The following DACH2 variants were observed in gnomAD, a reference collection of about 807,000 sequenced individuals.
The protein encoded by DACH2 is dachshund homolog 2.
DACH2 carries 17 observed loss-of-function variants against 35.8 expected under a neutral mutation model. The observed-to-expected ratio is 0.48, with a 90% CI of 0.33 to 0.71. The LOEUF (loss-of-function observed/expected upper bound fraction) is 0.71, where lower values mean the gene tolerates loss of function less well. DACH2 is among the 30% of genes least tolerant of loss of function. The pLI, the probability that DACH2 is intolerant of heterozygous loss-of-function variation, is 0.02. For synonymous variants in DACH2, 195 were observed against 177.3 expected (o/e 1.10, Z -0.79); for missense variants, 469 against 472.7 (o/e 0.99, Z 0.07).
chrX:86,415,805 T>C (rs1037619653), intron 2 of DACH2, among the ~76,000 whole-genome samples: 1 of 112,238 alleles, frequency 8.9e-6, no homozygotes, highest in African/African-American at 3.2e-5. Flanking sequence ...CAATATTTTC[T>C]TTGACCAGAA....
At chrX:86,788,282 C>T (rs1458707789) in intron 7 of DACH2, among the ~76,000 whole-genome samples, 1 of 110,789 alleles carries the variant, frequency 9.0e-6, no homozygotes, top group Admixed American at 9.7e-5. Flanking sequence ...TGCTGATCAC[C>T]GGCTTCAGGT....
intron 3 of DACH2, among the ~76,000 whole-genome samples, chrX:86,549,569 AT>A (rs1250771293): frequency 1.8e-5 from 2 of 108,525 alleles, no homozygotes; most frequent in African/African-American, 6.7e-5. Context: ...TACTATTTAT[AT>A]TTTTTTAAAT....
In DACH2 at chrX:86,545,574, C is replaced by A. The variant is rs779982214; in HGVS notation, c.640+31183C>A. ...TTAAAAAATTAAAATTAATTAAAAT[C>A]ATTTAATGTAATGTCTCCAGTCTTA... On this transcript the variant is annotated intron_variant, in intron 3 of 11. Transcript: ENST00000373125. Among the ~76,000 whole-genome samples the A allele has an allele frequency of 1.2e-3, 130 of 111,837 alleles. 4 individuals carry two copies. Among genetic ancestry groups the A allele is most frequent in the Non-Finnish European group, 3.2e-4 (17 of 53,165 alleles).
intron 2 of DACH2, among the ~76,000 whole-genome samples, chrX:86,474,739 T>C (rs2037814815): frequency 8.9e-6 from 1 of 111,854 alleles, no homozygotes; most frequent in Non-Finnish European, 1.9e-5. Flanking sequence ...TGTTTTGTTT[T>C]GTTTTTGTTT....
At chrX:86,680,460 A>G (rs1180467605) in intron 4 of DACH2, among the ~76,000 whole-genome samples, 1 of 111,515 alleles carries the variant, frequency 9.0e-6, no homozygotes, top group African/African-American at 3.3e-5. Flanking sequence ...ATTACCAGAC[A>G]CTATTTTTTA....
chrX:86,633,209 G>T (rs1459174346), intron 3 of DACH2, among the ~76,000 whole-genome samples: 1 of 111,223 alleles, frequency 9.0e-6, no homozygotes, highest in East Asian at 2.8e-4. Flanking sequence ...TAAAGCTCTA[G>T]TTGGACAAAC....
chrX:86,688,457 T>A (rs1297620912), intron 4 of DACH2, among the ~76,000 whole-genome samples: 7 of 111,641 alleles, frequency 6.3e-5, no homozygotes, highest in African/African-American at 2.0e-4. Context: ...GTAAAGTCAA[T>A]TCCAGATAAT....
At chrX:86,232,823 C>T (rs1171302974) in intron 1 of DACH2, among the ~76,000 whole-genome samples, 2 of 112,007 alleles carry the variant, frequency 1.8e-5, no homozygotes, top group South Asian at 3.7e-4. Context: ...TCATTCAACC[C>T]AGCAATCTCA....
intron 1 of DACH2, among the ~76,000 whole-genome samples, chrX:86,262,151 C>A (rs2033638648): frequency 9.2e-6 from 1 of 109,282 alleles, no homozygotes. Context: ...TAGCTGGGCC[C>A]GGTGGCATGC....
chrX:86,412,776 C>T (rs1332832718), intron 2 of DACH2, among the ~76,000 whole-genome samples: 4 of 111,526 alleles, frequency 3.6e-5, no homozygotes, highest in Non-Finnish European at 7.5e-5. Context: ...CTGCCATTGA[C>T]ACCTCAAGCA....
intron 7 of DACH2, among the ~76,000 whole-genome samples, chrX:86,760,249 C>A (rs185401197): frequency 2.7e-5 from 3 of 111,214 alleles, no homozygotes; most frequent in African/African-American, 6.5e-5. Context: ...TCTCTTGCTA[C>A]ACTTGGGAAG....
chrX:86,480,744 T>A (rs910802014), intron 2 of DACH2, among the ~76,000 whole-genome samples: 5 of 112,264 alleles, frequency 4.5e-5, no homozygotes, highest in African/African-American at 1.6e-4. Context: ...AACCATATAA[T>A]CTTTTCTGAT....
chrX:86,737,794 G>A (rs895322282), intron 6 of DACH2, among the ~76,000 whole-genome samples: 1 of 111,632 alleles, frequency 9.0e-6, no homozygotes, highest in African/African-American at 3.3e-5. Context: ...TGGGATACAT[G>A]TGCAAGTTTT....
At chrX:86,622,508 G>C (rs1023467858) in intron 3 of DACH2, among the ~76,000 whole-genome samples, 2 of 111,134 alleles carry the variant, frequency 1.8e-5, no homozygotes, top group Non-Finnish European at 3.8e-5. Flanking sequence ...TTTTGTGTAA[G>C]AGACAAGAAT....
chrX:86,730,794 A>G (rs961191590), intron 6 of DACH2, among the ~76,000 whole-genome samples: 2 of 111,897 alleles, frequency 1.8e-5, no homozygotes, highest in East Asian at 5.6e-4. Context: ...TGAGTTATAA[A>G]AAGAAGTGAA....
chrX:86,789,482 T>A (rs1040755008), intron 7 of DACH2, among the ~76,000 whole-genome samples: 2 of 111,709 alleles, frequency 1.8e-5, no homozygotes, highest in East Asian at 2.8e-4. Flanking sequence ...TTTTTAAAAA[T>A]TCCAAAAACA....
chrX:86,232,984 T>C (rs1202424234), intron 1 of DACH2, among the ~76,000 whole-genome samples: 1 of 112,040 alleles, frequency 8.9e-6, no homozygotes, highest in Admixed American at 9.5e-5. Context: ...AATGTACATA[T>C]ACACCATGGA....
intron 3 of DACH2, among the ~76,000 whole-genome samples, chrX:86,641,817 G>GA (rs929548812): frequency 2.7e-5 from 3 of 111,731 alleles, no homozygotes; most frequent in Non-Finnish European, 3.8e-5. Context: ...CGTTCTTAAA[G>GA]AAAAAAATCT....
intron 2 of DACH2, among the ~76,000 whole-genome samples, chrX:86,484,889 C>A (rs1294112995): frequency 1.8e-5 from 2 of 111,803 alleles, no homozygotes; most frequent in African/African-American, 3.2e-5. Flanking sequence ...ATGACAACTG[C>A]AGATGAAATT....
Sources: allele counts gnomAD v4.1 joint callset (sites outside exome capture counted in the v4.1 genomes callset), GRCh38; gene constraint gnomAD v4.1.1; transcripts MANE v1.5; gene names NCBI Gene and HGNC (gene_info 2026-07-23, HGNC 2026-07-21).